The following BRD1 variants were observed in gnomAD, a reference collection of about 807,000 sequenced individuals.
The protein encoded by BRD1 is bromodomain-containing protein 1.
Under a neutral mutation model 107.7 loss-of-function variants are expected in BRD1, and 24 were observed. That is an observed-to-expected ratio of 0.22 (90% CI 0.16 to 0.31). The LOEUF (loss-of-function observed/expected upper bound fraction) is 0.31, where lower values mean the gene tolerates loss of function less well. Among genes scored for constraint, BRD1 ranks in the 10% least tolerant of loss-of-function variants. The probability of loss-of-function intolerance (pLI) is 1.00; values close to 1 mark genes in which losing one functional copy is unlikely to be tolerated. For synonymous variants in BRD1, 744 were observed against 686.1 expected, an observed-to-expected ratio of 1.08 and a Z score of -1.32; for missense variants, 1,279 against 1,638.6, an observed-to-expected ratio of 0.78 and a Z score of 3.79.
chr22:49,803,227 G>GCAC lies in BRD1; in HGVS notation c.1524+974_1524+976dup, dbSNP rs2059674780. Among the ~76,000 whole-genome samples, 1 of 151,514 alleles carries GCAC rather than the reference G, an allele frequency of 6.6e-6. No homozygotes were observed. Among genetic ancestry groups the GCAC allele is most frequent in the Non-Finnish European group, 1.5e-5 (1 of 68,032 alleles). ...AGGCAGAGTCTGCGAGGCAGAGACA[G>GCAC]CACCGGCCACCGCACCACCGCACGG... On this transcript the variant is annotated intron_variant, in intron 3 of 12. Transcript: ENST00000404760. The surrounding 1 kb of genome is among the most constrained non-coding windows in gnomAD (Gnocchi z 4.4).
chr22:49,789,338 T>A (rs2147062756), intron 7 of BRD1, among the ~76,000 whole-genome samples: 1 of 152,312 alleles, frequency 6.6e-6, no homozygotes, highest in South Asian at 2.1e-4. Context: ...GGAGAAGGGC[T>A]GCTGAAAGGC....
At chr22:49,816,518 C>A (rs1259221203) in intron 2 of BRD1, among the ~76,000 whole-genome samples, 1 of 152,170 alleles carries the variant, frequency 6.6e-6, no homozygotes, top group Non-Finnish European at 1.5e-5. Flanking sequence ...GGAGACAACG[C>A]CTCCCGACAG....
chr22:49,800,515 A>G (rs564367432), intron 3 of BRD1, among the ~76,000 whole-genome samples: 1 of 152,300 alleles, frequency 6.6e-6, no homozygotes, highest in East Asian at 1.9e-4. Context: ...AACCTCGGCC[A>G]AAAGGACATT....
chr22:49,813,355 CT>C (rs1482487909), intron 2 of BRD1, among the ~76,000 whole-genome samples: 5 of 152,000 alleles, frequency 3.3e-5, no homozygotes, highest in Non-Finnish European at 7.4e-5. Flanking sequence ...TCCCTAGTAG[CT>C]GGGACTACAG....
chr22:49,784,204 T>A (rs2059274513), intron 8 of BRD1, among the ~76,000 whole-genome samples: 1 of 142,580 alleles, frequency 7.0e-6, no homozygotes, highest in Non-Finnish European at 1.5e-5. Flanking sequence ...AGCAGGGGTC[T>A]CCGCAACGGC....
At chr22:49,787,997 C>G in intron 7 of BRD1, 110 bp from the exon 8 acceptor site, 2 of 1,087,416 alleles carry the variant, frequency 1.8e-6, no homozygotes, top group Non-Finnish European at 2.6e-6. Flanking sequence ...GTTAAGGAAA[C>G]AAGGCATCGC....
intron 2 of BRD1, among the ~76,000 whole-genome samples, chr22:49,819,271 G>A (rs1202433648): frequency 1.3e-5 from 2 of 151,252 alleles, no homozygotes; most frequent in Non-Finnish European, 3.0e-5. Context: ...GGAAAAAAAA[G>A]AAGAACAGAA....
chr22:49,827,136 C>A (rs1569146784), intron 1 of BRD1, among the ~76,000 whole-genome samples: 1 of 151,554 alleles, frequency 6.6e-6, no homozygotes, highest in Non-Finnish European at 1.5e-5. Context: ...CTGCCCGAGG[C>A]CCGACCCGAC....
In BRD1 at chr22:49,774,183, T is replaced by C. The variant is rs756597217; in HGVS notation, c.*50A>G. ...TTAAGTTTTGAACAATATACAAACA[T>C]GTACAGCTTATCAACACTATGGACA... On this transcript the variant is annotated 3_prime_UTR_variant, in exon 13 of 13. Transcript: ENST00000404760. The C allele has an allele frequency of 9.6e-6, 15 of 1,562,978 alleles. No homozygotes were observed. The highest frequency in any genetic ancestry group is 2.4e-5 in the South Asian group (2 of 84,314).
intron 10 of BRD1, among the ~76,000 whole-genome samples, chr22:49,776,644 C>A (rs1026096817): frequency 6.6e-6 from 1 of 152,166 alleles, no homozygotes; most frequent in African/African-American, 2.4e-5. Context: ...TGTGCGACCC[C>A]AAACCCTGGG....
chr22:49,814,225 A>G (rs1217065541), intron 2 of BRD1, among the ~76,000 whole-genome samples: 1 of 152,236 alleles, frequency 6.6e-6, no homozygotes, highest in Non-Finnish European at 1.5e-5. Flanking sequence ...AAATGAAAAG[A>G]TACACTCACC....
intron 7 of BRD1, among the ~76,000 whole-genome samples, chr22:49,790,699 A>G (rs1300715141): frequency 2.0e-5 from 3 of 152,218 alleles, no homozygotes; most frequent in African/African-American, 7.2e-5. Context: ...ATTTCAGCTC[A>G]CGAGCAGCAA....
chr22:49,774,524 T>TGCTCAGCACCACCAAGACAGCTGGGCCCC (rs1451163649), intron 12 of BRD1, 108 bp from the exon 13 acceptor site: 1 of 1,234,888 alleles, frequency 8.1e-7, no homozygotes, highest in African/African-American at 1.5e-5. Context: ...AAAGGGGCCC[T>TGCTCAGCACCACCAAGACAGCTGGGCCCC]GCTCAGCACC....
At chr22:49,800,531 T>C (rs2059621177) in intron 3 of BRD1, among the ~76,000 whole-genome samples, 1 of 152,190 alleles carries the variant, frequency 6.6e-6, no homozygotes, top group Admixed American at 6.5e-5. Context: ...ACATTTGGCC[T>C]GGGAATCTGT....
intron 10 of BRD1, among the ~76,000 whole-genome samples, chr22:49,776,798 G>A (rs766311188): frequency 3.3e-4 from 50 of 152,214 alleles, no homozygotes; most frequent in Non-Finnish European, 6.3e-4. Flanking sequence ...AGAGCTGGAC[G>A]TTCCACAGGG....
intron 6 of BRD1, among the ~76,000 whole-genome samples, chr22:49,797,091 G>A (rs955879971): frequency 4.6e-5 from 7 of 152,182 alleles, no homozygotes; most frequent in Admixed American, 3.3e-4. Flanking sequence ...CACACCCTTC[G>A]ACAGACAATC....
intron 8 of BRD1, among the ~76,000 whole-genome samples, chr22:49,780,636 G>A (rs1455595543): frequency 1.3e-5 from 2 of 152,216 alleles, no homozygotes; most frequent in East Asian, 3.8e-4. Flanking sequence ...GCTGCAAGGT[G>A]GCCTGCGCTG....
intron 7 of BRD1, among the ~76,000 whole-genome samples, chr22:49,789,161 G>A (rs1744566441): frequency 6.6e-6 from 1 of 152,214 alleles, no homozygotes; most frequent in African/African-American, 2.4e-5. Flanking sequence ...AGCCTCCCGT[G>A]TCAGCCGCAG....
At chr22:49,796,908 C>T (rs1009734185) in intron 6 of BRD1, among the ~76,000 whole-genome samples, 1 of 152,354 alleles carries the variant, frequency 6.6e-6, no homozygotes, top group African/African-American at 2.4e-5. Context: ...CCAGAAGAAG[C>T]GACCTAGCAC....
Sources: gnomAD v4.1 joint callset for allele counts (sites outside exome capture counted in the v4.1 genomes callset) on GRCh38, gnomAD v4.1.1 for gene constraint, Gnocchi (gnomAD v3.1) non-coding constraint, MANE v1.5 for transcripts, NCBI Gene and HGNC (gene_info 2026-07-23, HGNC 2026-07-21) for gene names.